The following PATL1 variants were observed in gnomAD, a reference collection of about 807,000 sequenced individuals.
PATL1 encodes protein PAT1 homolog 1.
A neutral mutation model predicts 100.6 loss-of-function variants in PATL1; 32 were observed. The observed-to-expected ratio is 0.32, with a 90% CI of 0.24 to 0.43. The LOEUF is 0.43. PATL1 is among the 20% of genes least tolerant of loss of function. The pLI, the probability that PATL1 is intolerant of heterozygous loss-of-function variation, is 1.00. For missense variants in PATL1, 747 were observed against 949.9 expected, an observed-to-expected ratio of 0.79 and a Z score of 2.81; for synonymous variants, 332 against 330.0, an observed-to-expected ratio of 1.01 and a Z score of -0.07.
chr11:59,638,159 G>A lies in PATL1; in HGVS notation c.*231C>T, dbSNP rs1861220738. The A allele has an allele frequency of 3.4e-6, 2 of 580,366 alleles. No individual in the cohort carries two copies. Among genetic ancestry groups the A allele is most frequent in the Non-Finnish European group, 6.2e-6 (2 of 324,908 alleles). 36.0% of individuals were successfully genotyped at this position (580,366 alleles called of 1,614,324 possible). On this transcript the variant is annotated 3_prime_UTR_variant, in exon 19 of 19. Transcript: ENST00000300146. ...GAGTAAAAGTAGGACATGCAGAACTGTAACACAGAAGGTAAAGAAACCAGC... is the reference window on the plus strand; with the variant it reads ...GAGTAAAAGTAGGACATGCAGAACTATAACACAGAAGGTAAAGAAACCAGC...
rs1432601141 is a variant in PATL1, at chr11:59,657,414, TTTCTA to T, written c.621+111_621+115del. 5 of 985,618 alleles carry T rather than the reference TTTCTA, an allele frequency of 5.1e-6. No individual in the cohort carries two copies. In the African/African-American group the frequency reaches 8.1e-5, roughly 16 times the overall value. The allele number at this position is 985,618 out of a possible 1,614,324, so 61.1% of individuals were successfully genotyped here. A position where few individuals can be genotyped will look rare whatever the true frequency, so the allele number is the denominator to read the frequency against. On this transcript the variant is annotated intron_variant, in intron 5 of 18. Transcript: ENST00000300146. ...TTTCTCCTCTAACTAGCTATTTTTC[TTTCTA>T]ATCTAATGCCTACCCAAAATTTCCA... is the stretch of plus-strand genomic sequence containing the variant.
At chr11:59,653,836 T>A (rs764642735) in intron 9 of PATL1, 147 bp downstream of exon 9, 1 of 653,888 alleles carries the variant, frequency 1.5e-6, no homozygotes, top group South Asian at 2.1e-5. Flanking sequence ...ATTATGCTTT[T>A]CATATTTACA....
chr11:59,657,045 A>C (rs975063759), intron 5 of PATL1: 3 of 971,438 alleles, frequency 3.1e-6, no homozygotes, highest in Non-Finnish European at 2.4e-6. Context: ...ATTTGAGCCT[A>C]ACTAGGCCAT....
intron 2 of PATL1, among the ~76,000 whole-genome samples, chr11:59,660,544 G>C (rs897501975): frequency 2.0e-5 from 3 of 152,180 alleles, no homozygotes; most frequent in Admixed American, 6.5e-5. Flanking sequence ...GGGAGAAGAG[G>C]GTTCCAGGCA....
chr11:59,651,507 C>T, intron 12 of PATL1, 37 bp downstream of exon 12: 1 of 1,510,786 alleles, frequency 6.6e-7, no homozygotes, highest in Non-Finnish European at 9.1e-7. Flanking sequence ...GGTCACAAAT[C>T]AGACGTTCTT....
chr11:59,668,853 G>A, intron 1 of PATL1, 28 bp downstream of exon 1: 2 of 1,320,050 alleles, frequency 1.5e-6, no homozygotes, highest in Non-Finnish European at 2.1e-6. Context: ...GAGGGAGGGA[G>A]GGGTCACTTC....
chr11:59,655,767 T>G, intron 7 of PATL1, 27 bp from the exon 8 acceptor site: 4 of 1,547,410 alleles, frequency 2.6e-6, no homozygotes, highest in Non-Finnish European at 3.5e-6. Context: ...GATCTTAGAT[T>G]TAGACAATCA....
intron 15 of PATL1, among the ~76,000 whole-genome samples, chr11:59,646,326 C>T (rs980549256): frequency 4.2e-5 from 6 of 141,932 alleles, no homozygotes; most frequent in Non-Finnish European, 9.1e-5. Flanking sequence ...GCATATACTA[C>T]TGTGTCCAGC....
Position 59,639,144 on chromosome 11 carries a change from G to A in PATL1, c.2195C>T (p.Ala732Val). 1 of 1,614,018 alleles carries A rather than the reference G, an allele frequency of 6.2e-7. No homozygotes were observed. Among genetic ancestry groups the A allele is most frequent in the Non-Finnish European group, 8.5e-7 (1 of 1,179,894 alleles). ...AGGTATAGAGATTGGCTTGGCCAGG[G>A]CTGCTTGGGGAATCCGCAGAAGTTC... ...TRELLRIPQA[A>V]LAKPISIPTN... The change falls in exon 18 of 19, where the codon GCC becomes GTC. Residue 732 changes from alanine to valine, a missense_variant. By Grantham distance (64) the Ala-to-Val change is moderately conservative. This residue lies in a region of PATL1 where 434 missense variants were observed against 596.1 expected (regional missense o/e 0.73). Coordinates refer to ENST00000300146, the MANE Select transcript of PATL1 (RefSeq NM_152716.3).
At position 59,666,978 on chromosome 11, in the gene PATL1, A is replaced by G. The variant is rs558894240; in HGVS notation, c.16-14T>C. On this transcript the variant is annotated splice_polypyrimidine_tract_variant and intron_variant, in intron 1 of 18. Coordinates refer to ENST00000300146, the MANE Select transcript of PATL1 (RefSeq NM_152716.3). ...ATCCTCCAAAGACTAAAAAAAAAGA[A>G]AAGACATTAGTTATTCATGAAATTC... The G allele has an allele frequency of 6.5e-7, 1 of 1,536,274 alleles. No homozygotes were observed. Among genetic ancestry groups the G allele is most frequent in the Non-Finnish European group, 8.7e-7 (1 of 1,143,556 alleles).
At chr11:59,641,777 T>C (rs1438189513) in intron 16 of PATL1, among the ~76,000 whole-genome samples, 1 of 152,052 alleles carries the variant, frequency 6.6e-6, no homozygotes, top group Non-Finnish European at 1.5e-5. Context: ...CTTTTCATGT[T>C]ATTCTCAGAA....
chr11:59,639,247 T>TAAAATAAGAGA (rs1861238164), intron 17 of PATL1, 45 bp downstream of exon 17: 2 of 1,587,552 alleles, frequency 1.3e-6, no homozygotes, highest in Non-Finnish European at 1.7e-6. Context: ...TTTAAAAGAT[T>TAAAATAAGAGA]ACCTCAAAGA....
chr11:59,659,825 C>A (rs1861603722), intron 2 of PATL1, among the ~76,000 whole-genome samples: 1 of 152,042 alleles, frequency 6.6e-6, no homozygotes, highest in Non-Finnish European at 1.5e-5. Flanking sequence ...CAAGCATGAG[C>A]CACCACGCCC....
At chr11:59,666,584 A>AG (rs1286422342) in intron 2 of PATL1, among the ~76,000 whole-genome samples, 1 of 152,182 alleles carries the variant, frequency 6.6e-6, no homozygotes, top group African/African-American at 2.4e-5. Flanking sequence ...AATCCCTCAT[A>AG]GGGGCAACCT....
rs181118256 is a variant in PATL1 at position 59,642,959 on chromosome 11, C to T, written c.1970G>A (p.Arg657Gln). 1.2e-5 allele frequency: 19 copies of T among 1,613,822 alleles called. No homozygotes were observed. In the Admixed American group the frequency reaches 1.3e-4, roughly 11 times the overall value. The change falls in exon 16 of 19, where the codon CGA becomes CAA. Residue 657 changes from arginine (R) to glutamine (Q), a missense_variant. Arg to Gln is a conservative substitution (Grantham distance 43, BLOSUM62 1). Transcript: ENST00000300146. ...ACTTTGAGGTAGGTTCATTAGCTGT[C>T]GCAAAAGGCTGGTGATACTCACTGA... ...LPSVSITSLL[R>Q]QLMNLPQSAA...
intron 2 of PATL1, among the ~76,000 whole-genome samples, chr11:59,662,963 T>C (rs182536645): frequency 5.4e-4 from 82 of 152,324 alleles, no homozygotes; most frequent in South Asian, 1.0e-3. Flanking sequence ...GAGGAATCTA[T>C]GCCATAAAAT....
At chr11:59,660,546 T>G (rs531902550) in intron 2 of PATL1, among the ~76,000 whole-genome samples, 1 of 151,458 alleles carries the variant, frequency 6.6e-6, no homozygotes, top group South Asian at 2.1e-4. Context: ...GAGAAGAGGG[T>G]TCCAGGCAGA....
In PATL1 at chr11:59,651,609, C is replaced by T. The variant is rs763320819; in HGVS notation, c.1459G>A (p.Val487Ile). ...TTTCGGGGATTATTCACACTAGAAA[C>T]GGTAAGCTTTCCCAAAGAGCCCTCA... The part of the protein sequence containing the change: ...QFEGSLGKLT[V>I]SSVNNPRKMI... Residue 487 changes from valine (V) to isoleucine (I), a missense_variant, in exon 12 of 19, where the codon GTT (valine) becomes ATT (isoleucine). Coordinates refer to ENST00000300146, the MANE Select transcript of PATL1 (RefSeq NM_152716.3). The T allele has an allele frequency of 2.0e-5, 32 of 1,610,616 alleles. No individual in the cohort carries two copies. The highest frequency in any genetic ancestry group is 1.7e-4 in the Middle Eastern group (1 of 5,852).
intron 18 of PATL1, 29 bp downstream of exon 18, chr11:59,639,019 G>A: frequency 6.2e-7 from 1 of 1,607,076 alleles, no homozygotes; most frequent in Non-Finnish European, 8.5e-7. Context: ...ACTTTAGTGA[G>A]ATGTGAAACT....
Sources: allele counts gnomAD v4.1 joint callset (sites outside exome capture counted in the v4.1 genomes callset), GRCh38; gene constraint gnomAD v4.1.1; regional missense constraint gnomAD v4.1.1; transcripts MANE v1.5; gene names NCBI Gene and HGNC (gene_info 2026-07-23, HGNC 2026-07-21).